The following KIAA1217 variants were observed in gnomAD, a reference collection of about 807,000 sequenced individuals.
KIAA1217 encodes the protein sickle tail protein homolog.
KIAA1217 carries 88 observed loss-of-function variants against 163.9 expected under a neutral mutation model. The observed-to-expected ratio is 0.54, with a 90% CI of 0.45 to 0.64. The LOEUF (loss-of-function observed/expected upper bound fraction) is 0.64. KIAA1217 is among the 30% of genes least tolerant of loss of function. The pLI is 0.00. For missense variants in KIAA1217, 2,372 were observed against 2,475.0 expected (o/e 0.96, Z 0.88); for synonymous variants, 903 against 923.1 (o/e 0.98, Z 0.39).
At chr10:24,242,352 GT>G (rs1378683026) in intron 2 of KIAA1217, among the ~76,000 whole-genome samples, 3 of 152,126 alleles carry the variant, frequency 2.0e-5, no homozygotes, top group Non-Finnish European at 2.9e-5. Flanking sequence ...GTGGTATTGG[GT>G]TTTCTATTTC....
chr10:24,274,620 G>A (rs2077087834), intron 2 of KIAA1217, among the ~76,000 whole-genome samples: 1 of 152,046 alleles, frequency 6.6e-6, no homozygotes, highest in African/African-American at 2.4e-5. Context: ...TACTGCATTA[G>A]TGAGTCCTGA....
At chr10:24,348,830 C>T (rs2048112970) in intron 2 of KIAA1217, among the ~76,000 whole-genome samples, 1 of 152,008 alleles carries the variant, frequency 6.6e-6, no homozygotes, top group African/African-American at 2.4e-5. Flanking sequence ...GTTACTACTC[C>T]CAAGGGTTGG....
intron 2 of KIAA1217, among the ~76,000 whole-genome samples, chr10:24,266,677 ACT>A (rs2076267954): frequency 6.6e-6 from 1 of 151,956 alleles, no homozygotes; most frequent in Non-Finnish European, 1.5e-5. Flanking sequence ...ACTAATCAGC[ACT>A]CTGTAAAACG....
chr10:23,949,706 A>T (rs556399484), intron 1 of KIAA1217, among the ~76,000 whole-genome samples: 1 of 152,306 alleles, frequency 6.6e-6, no homozygotes, highest in South Asian at 2.1e-4. Flanking sequence ...AAGTACTGTG[A>T]ATGAAATTTT....
At chr10:23,926,386 T>C (rs1843019415) in intron 1 of KIAA1217, among the ~76,000 whole-genome samples, 1 of 152,196 alleles carries the variant, frequency 6.6e-6, no homozygotes, top group African/African-American at 2.4e-5. Context: ...CTAAGAATGA[T>C]AGAGAATGCT....
chr10:23,879,182 C>T (rs1288609933), intron 1 of KIAA1217, among the ~76,000 whole-genome samples: 1 of 151,842 alleles, frequency 6.6e-6, no homozygotes, highest in Non-Finnish European at 1.5e-5. Context: ...CCCACCTTCA[C>T]CCTTAGAAAT....
chr10:23,722,259 C>G (rs865880384), intron 1 of KIAA1217, among the ~76,000 whole-genome samples: 42 of 152,082 alleles, frequency 2.8e-4, no homozygotes, highest in African/African-American at 9.2e-4. Context: ...TTCAGTTTTG[C>G]AAGATGAAAA....
At chr10:24,484,241 A>ATTTTTTTTTTTTTTTT (rs59233394) in intron 6 of KIAA1217, among the ~76,000 whole-genome samples, 1 of 75,154 alleles carries the variant, frequency 1.3e-5, no homozygotes, top group Non-Finnish European at 2.5e-5. Flanking sequence ...ATATATATAT[A>ATTTTTTTTTTTTTTTT]TTTTTTTTTT....
At chr10:23,993,542 C>A (rs1288269686) in intron 1 of KIAA1217, among the ~76,000 whole-genome samples, 3 of 94,750 alleles carry the variant, frequency 3.2e-5, no homozygotes, top group African/African-American at 1.8e-4. Flanking sequence ...GTTTGGCTCT[C>A]CATAGCCCAG....
chr10:24,408,336 T>C (rs1171691694), intron 3 of KIAA1217, among the ~76,000 whole-genome samples: 1 of 152,116 alleles, frequency 6.6e-6, no homozygotes, highest in Non-Finnish European at 1.5e-5. Context: ...TCCGAATGTA[T>C]ATAGATCCTG....
chr10:23,696,652 T>C (rs764748885), intron 1 of KIAA1217, among the ~76,000 whole-genome samples: 2 of 152,180 alleles, frequency 1.3e-5, no homozygotes, highest in African/African-American at 4.8e-5. Flanking sequence ...CAGTCTGTGC[T>C]AGAAGTGGTT....
At chr10:24,497,583 G>A (rs1488533365) in intron 8 of KIAA1217, among the ~76,000 whole-genome samples, 1 of 151,996 alleles carries the variant, frequency 6.6e-6, no homozygotes, top group African/African-American at 2.4e-5. Flanking sequence ...AAATGAGCGT[G>A]GTGGTACATG....
chr10:24,104,068 T>C (rs773406971), intron 2 of KIAA1217, among the ~76,000 whole-genome samples: 8 of 152,130 alleles, frequency 5.3e-5, no homozygotes, highest in Non-Finnish European at 1.0e-4. Flanking sequence ...CTGGTGGGAA[T>C]GCAAAATGCT....
chr10:24,227,933 TCCTTAGGGTCC>T (rs2070820541), intron 2 of KIAA1217, among the ~76,000 whole-genome samples: 1 of 152,166 alleles, frequency 6.6e-6, no homozygotes, highest in Non-Finnish European at 1.5e-5. Context: ...CCCTCAGGCT[TCCTTAGGGTCC>T]CCTCCTCAAC....
intron 1 of KIAA1217, among the ~76,000 whole-genome samples, chr10:23,910,399 C>T (rs1238965974): frequency 6.6e-6 from 1 of 152,014 alleles, no homozygotes; most frequent in Non-Finnish European, 1.5e-5. Flanking sequence ...GTGGGAATTT[C>T]TCAATAGGAA....
chr10:23,762,634 A>G (rs1161117735), intron 1 of KIAA1217, among the ~76,000 whole-genome samples: 2 of 152,194 alleles, frequency 1.3e-5, no homozygotes, highest in East Asian at 1.9e-4. Context: ...AATAAGAACT[A>G]TTTATGACAA....
At chr10:23,852,191 A>T (rs1457353396) in intron 1 of KIAA1217, among the ~76,000 whole-genome samples, 1 of 152,108 alleles carries the variant, frequency 6.6e-6, no homozygotes, top group African/African-American at 2.4e-5. Flanking sequence ...TAATTTTTGT[A>T]TCAGGTGTAA....
intron 5 of KIAA1217, among the ~76,000 whole-genome samples, chr10:24,457,020 TA>T (rs201547135): frequency 1.5e-4 from 22 of 148,550 alleles, no homozygotes; most frequent in African/African-American, 3.0e-4. Context: ...CCTTTTTAAT[TA>T]AAAAAAAAAA....
rs568109071 is a variant in KIAA1217 at position 24,040,930 on chromosome 10, T to C, written c.-171+33556T>C. On this transcript the variant is annotated intron_variant, in intron 2 of 18. Coordinates refer to the KIAA1217 transcript ENST00000376462. ...GAACTCTACATGGCAAAAATTACTATACCGACTTTAATAACGAAAAGCCAG... is the reference window on the plus strand; with the variant it reads ...GAACTCTACATGGCAAAAATTACTACACCGACTTTAATAACGAAAAGCCAG... 2.0e-3 allele frequency among the ~76,000 whole-genome samples: 311 copies of C among 152,350 alleles called. 2 individuals are homozygous for C. Among genetic ancestry groups the C allele is most frequent in the Non-Finnish European group, 1.9e-3 (131 of 68,034 alleles).
Sources: allele counts gnomAD v4.1 joint callset (sites outside exome capture counted in the v4.1 genomes callset), GRCh38; gene constraint gnomAD v4.1.1; transcripts MANE v1.5; gene names NCBI Gene and HGNC (gene_info 2026-07-23, HGNC 2026-07-21).